ABCC4: variants seen among roughly 807,000 people sequenced by gnomAD.
ABCC4 encodes the protein ATP-binding cassette sub-family C member 4.
A neutral mutation model predicts 168.5 loss-of-function variants in ABCC4; 102 were observed. The ratio of observed to expected loss-of-function variants is 0.61; its 90% CI spans 0.52 to 0.71. The LOEUF is 0.71. ABCC4 is among the 30% of genes least tolerant of loss of function. The probability of loss-of-function intolerance (pLI) is 0.00; values close to 1 mark genes in which losing one functional copy is unlikely to be tolerated. For synonymous variants in ABCC4, 617 were observed against 590.7 expected (o/e 1.04, Z -0.65); for missense variants, 1,402 against 1,605.8 (o/e 0.87, Z 2.17).
In ABCC4 at chr13:95,021,590, G is replaced by C; in HGVS notation, c.3963C>G (p.Phe1321Leu). ...SNGQPSTLTI[F>L]ETAL The stretch of plus-strand genomic sequence containing the variant: ...TTGGTTGGATTCACAGTGCTGTCTC[G>C]AAAATAGTTAAGGTCGAGGGCTGTC... Residue 1321 changes from phenylalanine (F) to leucine (L), a missense_variant, in exon 31 of 31, where the codon TTC becomes TTG. Coordinates refer to ENST00000645237, the MANE Select transcript of ABCC4 (RefSeq NM_005845.5). 1 of 1,610,664 alleles carries C rather than the reference G, an allele frequency of 6.2e-7. No individual in the cohort carries two copies. The highest frequency in any genetic ancestry group is 8.5e-7 in the Non-Finnish European group (1 of 1,177,052).
intron 3 of ABCC4, among the ~76,000 whole-genome samples, chr13:95,237,080 G>A (rs1024591616): frequency 8.5e-5 from 13 of 152,174 alleles, no homozygotes; most frequent in African/African-American, 2.9e-4. Context: ...CATTTCAGCC[G>A]TAGGTGAGTA....
At chr13:95,109,391 A>AACACACACACACACAC (rs61165942) in intron 20 of ABCC4, among the ~76,000 whole-genome samples, 1 of 150,342 alleles carries the variant, frequency 6.7e-6, no homozygotes, top group Non-Finnish European at 1.5e-5. Context: ...CAGGTGTGCA[A>AACACACACACACACAC]ACACACACAC....
chr13:95,090,514 C>G (rs1345169766), intron 20 of ABCC4, among the ~76,000 whole-genome samples: 14 of 152,160 alleles, frequency 9.2e-5, no homozygotes, highest in Admixed American at 9.2e-4. Flanking sequence ...GTGGCTAGAC[C>G]CAGAAGAGAG....
chr13:95,202,636 A>G (rs1018791675), intron 8 of ABCC4, among the ~76,000 whole-genome samples: 10 of 144,464 alleles, frequency 6.9e-5, no homozygotes, highest in Admixed American at 2.1e-4. Context: ...TGGGGATAAG[A>G]ATGTGCACTT....
At chr13:95,034,808 T>C in intron 29 of ABCC4, 69 bp from the exon 30 acceptor site, 1 of 1,605,522 alleles carries the variant, frequency 6.2e-7, no homozygotes, top group Non-Finnish European at 8.5e-7. Context: ...ACAGAGACAA[T>C]ATTTCGGAAA....
chr13:95,201,971 C>T (rs554820585), intron 8 of ABCC4, among the ~76,000 whole-genome samples: 1 of 151,718 alleles, frequency 6.6e-6, no homozygotes, highest in South Asian at 2.1e-4. Flanking sequence ...AGACTCATCT[C>T]AAAAGAAAAA....
At chr13:95,276,990 G>A (rs2040988411) in intron 1 of ABCC4, among the ~76,000 whole-genome samples, 2 of 152,192 alleles carry the variant, frequency 1.3e-5, no homozygotes, top group African/African-American at 4.8e-5. Context: ...CTGCACTCCA[G>A]ACTGGGCGAC....
intron 3 of ABCC4, among the ~76,000 whole-genome samples, chr13:95,241,341 G>A (rs755488119): frequency 4.1e-5 from 6 of 147,802 alleles, no homozygotes; most frequent in Non-Finnish European, 6.0e-5. Flanking sequence ...CTCCAGCCTG[G>A]TGACAGAATG....
intron 11 of ABCC4, among the ~76,000 whole-genome samples, chr13:95,180,936 T>C (rs2037869214): frequency 6.6e-6 from 1 of 152,170 alleles, no homozygotes; most frequent in Admixed American, 6.5e-5. Flanking sequence ...AAACTATTTA[T>C]GGACACGCCT....
At position 95,194,855 on chromosome 13, in the gene ABCC4, A is replaced by G; in HGVS notation, c.1244T>C (p.Phe415Ser). The part of the protein sequence containing the change: ...DGKKMVHVQD[F>S]TAFWDKASET... ...TGTTACCTTATCCCAAAAAGCAGTA[A>G]AATCCTGCACATGCACCATCTTTTT... Residue 415 changes from phenylalanine to serine, a missense_variant, in exon 9 of 31, where the codon TTT becomes TCT. Physicochemically the swap from Phe to Ser is radical, Grantham distance 155. This residue lies in a region of ABCC4 where 1,007 missense variants were observed against 1,127.3 expected (regional missense o/e 0.89). Coordinates refer to ENST00000645237, the MANE Select transcript of ABCC4 (RefSeq NM_005845.5). 6.2e-7 allele frequency: 1 copy of G among 1,614,132 alleles called. No individual in the cohort carries two copies.
chr13:95,172,319 C>G (rs57192316), intron 13 of ABCC4, among the ~76,000 whole-genome samples: 1 of 152,172 alleles, frequency 6.6e-6, no homozygotes, highest in Admixed American at 6.5e-5. Context: ...CGGGGGCTCA[C>G]GCCTATAATT....
chr13:95,024,451 AT>A (rs1168381210), intron 30 of ABCC4, among the ~76,000 whole-genome samples: 1 of 152,122 alleles, frequency 6.6e-6, no homozygotes, highest in Non-Finnish European at 1.5e-5. Flanking sequence ...AACTAAGTTC[AT>A]ATTTAAACTC....
intron 1 of ABCC4, among the ~76,000 whole-genome samples, chr13:95,295,244 AGTGAC>A (rs948803022): frequency 2.7e-4 from 41 of 152,226 alleles, no homozygotes; most frequent in Admixed American, 1.3e-3. Context: ...GGCCGGCCAC[AGTGAC>A]TCACACCTGC....
intron 30 of ABCC4, among the ~76,000 whole-genome samples, chr13:95,027,641 GT>G (rs2031611942): frequency 6.6e-6 from 1 of 152,180 alleles, no homozygotes; most frequent in East Asian, 1.9e-4. Context: ...CTAAAATTTG[GT>G]GGTAGGATGG....
intron 3 of ABCC4, among the ~76,000 whole-genome samples, chr13:95,237,997 C>T (rs190720225): frequency 8.6e-5 from 13 of 151,934 alleles, no homozygotes; most frequent in Middle Eastern, 3.4e-3. Flanking sequence ...GAGGTCAAGA[C>T]CAGCCTGGCC....
At chr13:95,025,021 T>A (rs892014443) in intron 30 of ABCC4, among the ~76,000 whole-genome samples, 2 of 151,916 alleles carry the variant, frequency 1.3e-5, no homozygotes, top group Admixed American at 1.3e-4. Context: ...GGAGGAGCGC[T>A]AAGGTATGTC....
At chr13:95,206,803 T>C (rs746809016) in intron 7 of ABCC4, 22 bp from the exon 8 acceptor site, 1 of 1,611,374 alleles carries the variant, frequency 6.2e-7, no homozygotes, top group East Asian at 2.2e-5. Flanking sequence ...TACAGGTTTT[T>C]AAAAAAGCAG....
chr13:95,061,407 G>T (rs898726834), intron 26 of ABCC4, among the ~76,000 whole-genome samples: 1 of 152,156 alleles, frequency 6.6e-6, no homozygotes, highest in Non-Finnish European at 1.5e-5. Context: ...TCAGTGCTAG[G>T]ATAGCCATAA....
intron 19 of ABCC4, among the ~76,000 whole-genome samples, chr13:95,145,609 C>T (rs1267414858): frequency 6.8e-6 from 1 of 147,676 alleles, no homozygotes; most frequent in Non-Finnish European, 1.5e-5. Context: ...AGAGGAGACC[C>T]CATCTCCAAA....
Sources: gnomAD v4.1 joint callset for allele counts (sites outside exome capture counted in the v4.1 genomes callset) on GRCh38, gnomAD v4.1.1 for gene constraint, gnomAD v4.1.1 regional missense constraint, MANE v1.5 for transcripts, NCBI Gene and HGNC (gene_info 2026-07-23, HGNC 2026-07-21) for gene names.